Variants in EDC3 observed in about 807,000 individuals in gnomAD.
EDC3 encodes the protein enhancer of mRNA-decapping protein 3.
Under a neutral mutation model 41.8 loss-of-function variants are expected in EDC3, and 20 were observed. That is an observed-to-expected ratio of 0.48 (90% confidence interval 0.34 to 0.70). The LOEUF (loss-of-function observed/expected upper bound fraction) is 0.70, where lower values mean the gene tolerates loss of function less well. Ranked by LOEUF, EDC3 falls within the 30% of genes least tolerant of loss-of-function variation. The probability of loss-of-function intolerance (pLI) is 0.01; values close to 1 mark genes in which losing one functional copy is unlikely to be tolerated. For synonymous variants in EDC3, 206 were observed against 243.2 expected (o/e 0.85, Z 1.42); for missense variants, 444 against 636.8 (o/e 0.70, Z 3.26).
intron 4 of EDC3, chr15:74,644,313 A>C (rs1406283151): frequency 6.6e-6 from 1 of 151,918 alleles, no homozygotes; most frequent in Non-Finnish European, 1.5e-5. Flanking sequence ...CCATCCCAAC[A>C]CTTTATTCTC....
chr15:74,671,891 G>A lies in EDC3; in HGVS notation c.165-117C>T. On this transcript the variant is annotated intron_variant, in intron 2 of 6. Transcript: ENST00000315127. This position sits in a 1 kb window ranked among gnomAD's most constrained non-coding sequence, Gnocchi z 4.6. ...GACTGCATTTTATTGAGTTATCAGA[G>A]GCTAGGAAAGGGGGCTGTGTGCTTA... 1 of 986,668 alleles carries A rather than the reference G, an allele frequency of 1.0e-6. No homozygotes were observed. Among genetic ancestry groups the A allele is most frequent in the Non-Finnish European group, 1.5e-6 (1 of 662,140 alleles). 61.1% of individuals were successfully genotyped at this position (986,668 alleles called of 1,614,324 possible). A position where few individuals can be genotyped will look rare whatever the true frequency, so the allele number is the denominator to read the frequency against.
intron 3 of EDC3, among the ~76,000 whole-genome samples, chr15:74,661,369 A>G (rs1435829819): frequency 1.3e-5 from 2 of 152,248 alleles, no homozygotes; most frequent in Non-Finnish European, 2.9e-5. Context: ...AAAACTCTGC[A>G]AACTATAGCT....
chr15:74,635,502 A>G lies in EDC3; in HGVS notation c.1099T>C (p.Phe367Leu). 1.2e-6 allele frequency: 2 copies of G among 1,614,244 alleles called. No homozygotes were observed. The highest frequency in any genetic ancestry group is 1.1e-5 in the South Asian group (1 of 91,092). ...AACATCTTGACAAAATTGGGCAGGA[A>G]AAGGATGACCTGGACATCATGGTTG... is the stretch of plus-strand genomic sequence containing the variant. ...LANHDVQVIL[F>L]LPNFVKMLES... The change falls in exon 6 of 7, where the codon TTC becomes CTC. Residue 367 changes from phenylalanine (F) to leucine (L), a missense_variant. Physicochemically the swap from Phe to Leu is conservative, Grantham distance 22 (BLOSUM62 0). Around this residue, in one of 3 missense-constraint regions of EDC3, gnomAD observed 242 missense variants for 363.8 expected, o/e 0.67. Coordinates refer to ENST00000315127, the MANE Select transcript of EDC3 (RefSeq NM_025083.5).
At chr15:74,683,364 G>C (rs1407151662) in intron 1 of EDC3, among the ~76,000 whole-genome samples, 3 of 152,038 alleles carry the variant, frequency 2.0e-5, no homozygotes, top group South Asian at 2.1e-4. Flanking sequence ...GCGAAGCCTC[G>C]TCTCTACCAA....
At chr15:74,645,973 G>A (rs2062411781) in intron 4 of EDC3, among the ~76,000 whole-genome samples, 1 of 152,048 alleles carries the variant, frequency 6.6e-6, no homozygotes, top group South Asian at 2.1e-4. Context: ...CAAGTCAGTG[G>A]TGAAGTGGGG....
intron 1 of EDC3, among the ~76,000 whole-genome samples, chr15:74,683,600 G>T (rs541642403): frequency 6.6e-6 from 1 of 152,190 alleles, no homozygotes; most frequent in East Asian, 1.9e-4. Flanking sequence ...TATCCTAGTA[G>T]TGATACTGTA....
intron 1 of EDC3, among the ~76,000 whole-genome samples, chr15:74,688,822 G>A (rs1359371258): frequency 7.9e-5 from 12 of 151,550 alleles, no homozygotes; most frequent in African/African-American, 2.7e-4. Flanking sequence ...CACAAGAATC[G>A]CTTGAACTGG....
At chr15:74,665,279 G>C (rs2062664796) in intron 3 of EDC3, among the ~76,000 whole-genome samples, 1 of 152,172 alleles carries the variant, frequency 6.6e-6, no homozygotes, top group South Asian at 2.1e-4. Flanking sequence ...GCCCACCTCA[G>C]TCTCCCAAAG....
chr15:74,662,068 A>T (rs1311595230), intron 3 of EDC3, among the ~76,000 whole-genome samples: 1 of 152,194 alleles, frequency 6.6e-6, no homozygotes, highest in Non-Finnish European at 1.5e-5. Context: ...TAAATCATAG[A>T]TCATACCATA....
chr15:74,662,145 C>T (rs1296401156), intron 3 of EDC3, among the ~76,000 whole-genome samples: 1 of 152,136 alleles, frequency 6.6e-6, no homozygotes, highest in African/African-American at 2.4e-5. Flanking sequence ...TTTGCTATTA[C>T]AGACTCGGCC....
chr15:74,694,121 A>G (rs780818037), intron 1 of EDC3, among the ~76,000 whole-genome samples: 30 of 152,210 alleles, frequency 2.0e-4, no homozygotes, highest in Non-Finnish European at 3.8e-4. Flanking sequence ...GAACTCTAGT[A>G]AGCCCTTCTC....
At position 74,630,922 on chromosome 15, in the gene EDC3, T is replaced by C. The variant is rs1596294537; in HGVS notation, c.*1690A>G. On this transcript the variant is annotated 3_prime_UTR_variant, in exon 7 of 7. Coordinates refer to ENST00000315127, the MANE Select transcript of EDC3 (RefSeq NM_025083.5). ...ACTGTACCTAATCAGGGGGCCTAAC[T>C]GCATTAACAGGCAGCCAGAACCTAC... 1 of 152,214 alleles carries C rather than the reference T, an allele frequency of 6.6e-6. No homozygotes were observed. Among genetic ancestry groups the C allele is most frequent in the Admixed American group, 6.5e-5 (1 of 15,284 alleles). 9.4% of individuals were successfully genotyped at this position (152,214 alleles called of 1,614,324 possible). A position where few individuals can be genotyped will look rare whatever the true frequency, so the allele number is the denominator to read the frequency against.
intron 4 of EDC3, 138 bp downstream of exon 4, chr15:74,655,595 A>G: frequency 1.2e-6 from 1 of 834,216 alleles, no homozygotes; most frequent in Non-Finnish European, 1.8e-6. Context: ...CCCAAGAGAC[A>G]ATAATACCGG....
rs2062216728 is a variant in EDC3 at position 74,632,119 on chromosome 15, A to C, written c.*493T>G. ...CTGTCACAGCCCTGGACATGAATGGAGAGTGCAGGTCTGCCCTCTGGTGGA... is the reference window on the plus strand; with the variant it reads ...CTGTCACAGCCCTGGACATGAATGGCGAGTGCAGGTCTGCCCTCTGGTGGA... On this transcript the variant is annotated 3_prime_UTR_variant, in exon 7 of 7. Transcript: ENST00000315127. This position sits in a 1 kb window ranked among gnomAD's most constrained non-coding sequence, Gnocchi z 4.0. 1 of 171,614 alleles carries C rather than the reference A, an allele frequency of 5.8e-6. No homozygotes were observed. The highest frequency in any genetic ancestry group is 5.4e-5 in the Admixed American group (1 of 18,412). 10.6% of individuals were successfully genotyped at this position (171,614 alleles called of 1,614,324 possible). A position where few individuals can be genotyped will look rare whatever the true frequency, so the allele number is the denominator to read the frequency against.
At chr15:74,651,348 G>C (rs1398507707) in intron 4 of EDC3, among the ~76,000 whole-genome samples, 1 of 152,150 alleles carries the variant, frequency 6.6e-6, no homozygotes, top group Non-Finnish European at 1.5e-5. Flanking sequence ...AACCTGAAAG[G>C]AATTTCCAGA....
intron 3 of EDC3, among the ~76,000 whole-genome samples, chr15:74,660,852 C>T (rs2062612589): frequency 6.6e-6 from 1 of 152,106 alleles, no homozygotes. Context: ...AAAACCAGGA[C>T]CCTTATGAAG....
intron 4 of EDC3, among the ~76,000 whole-genome samples, chr15:74,652,829 C>T (rs2062497890): frequency 6.6e-6 from 1 of 151,934 alleles, no homozygotes; most frequent in Admixed American, 6.5e-5. Context: ...ATCCTCCCAC[C>T]TTGGCCTCCC....
chr15:74,659,507 T>C (rs1039776759), intron 3 of EDC3, among the ~76,000 whole-genome samples: 1 of 148,044 alleles, frequency 6.8e-6, no homozygotes, highest in Non-Finnish European at 1.5e-5. Flanking sequence ...TATATATATA[T>C]ATATAGGCAA....
At position 74,632,585 on chromosome 15, in the gene EDC3, G is replaced by A. The variant is rs781244236; in HGVS notation, c.*27C>T. The A allele has an allele frequency of 5.6e-6, 9 of 1,603,462 alleles. No individual in the cohort carries two copies. The highest frequency in any genetic ancestry group is 2.7e-5 in the African/African-American group (2 of 74,872). Reference sequence around the variant, plus strand: ...TTGTTATCAGGAGCAGCAGGGGACAGCAGAGTCCTGCCTGCGCAGGAACCC... The same window carrying A: ...TTGTTATCAGGAGCAGCAGGGGACAACAGAGTCCTGCCTGCGCAGGAACCC... On this transcript the variant is annotated 3_prime_UTR_variant, in exon 7 of 7. Transcript: ENST00000315127. The surrounding 1 kb of genome is among the most constrained non-coding windows in gnomAD (Gnocchi z 4.0).
Sources: gnomAD v4.1 joint callset for allele counts (sites outside exome capture counted in the v4.1 genomes callset) on GRCh38, gnomAD v4.1.1 for gene constraint, gnomAD v4.1.1 regional missense constraint, Gnocchi (gnomAD v3.1) non-coding constraint, MANE v1.5 for transcripts, NCBI Gene and HGNC (gene_info 2026-07-23, HGNC 2026-07-21) for gene names.